Variants in KANSL1L observed in about 807,000 individuals in gnomAD.
KANSL1L encodes KAT8 regulatory NSL complex subunit 1-like protein.
Under a neutral mutation model 108.6 loss-of-function variants are expected in KANSL1L, and 25 were observed. The observed-to-expected ratio is 0.23, with a 90% CI of 0.17 to 0.32. The LOEUF is 0.32. Ranked by LOEUF, KANSL1L falls within the 10% of genes least tolerant of loss-of-function variation. KANSL1L has a pLI of 1.00. For missense variants in KANSL1L, 1,137 were observed against 1,125.7 expected, an observed-to-expected ratio of 1.01 and a Z score of -0.14; for synonymous variants, 405 against 395.1, an observed-to-expected ratio of 1.03 and a Z score of -0.30.
At chr2:210,046,634 A>G (rs2094226183) in intron 6 of KANSL1L, among the ~76,000 whole-genome samples, 1 of 152,088 alleles carries the variant, frequency 6.6e-6, no homozygotes, top group South Asian at 2.1e-4. Flanking sequence ...TTCCAGACCC[A>G]GTAGGCTATG....
intron 2 of KANSL1L, among the ~76,000 whole-genome samples, chr2:210,145,153 G>T (rs2095256644): frequency 6.6e-6 from 1 of 152,204 alleles, no homozygotes; most frequent in Non-Finnish European, 1.5e-5. Flanking sequence ...GTTATTGGGT[G>T]CTCCAGTCAC....
intron 5 of KANSL1L, chr2:210,096,491 T>C (rs1420430903): frequency 2.0e-6 from 2 of 984,916 alleles, no homozygotes; most frequent in Non-Finnish European, 2.4e-6. Context: ...GGCAAGTATA[T>C]TAAAATGAAA....
chr2:210,080,578 C>A, intron 5 of KANSL1L, among the ~76,000 whole-genome samples: 1 of 152,208 alleles, frequency 6.6e-6, no homozygotes, highest in Non-Finnish European at 1.5e-5. Context: ...TCTTGCTCCC[C>A]GCTTGAGCTA....
intron 10 of KANSL1L, 192 bp from the exon 11 acceptor site, chr2:210,029,161 A>G: frequency 1.9e-6 from 1 of 517,384 alleles, no homozygotes. Context: ...AAATCAGAAC[A>G]ATCTCTTGGT....
intron 6 of KANSL1L, among the ~76,000 whole-genome samples, chr2:210,053,495 G>A (rs992420792): frequency 2.6e-5 from 4 of 152,132 alleles, no homozygotes; most frequent in Admixed American, 2.0e-4. Flanking sequence ...TACTTGAGGG[G>A]CTGAGGCAGG....
intron 2 of KANSL1L, among the ~76,000 whole-genome samples, chr2:210,131,197 T>C (rs1157313252): frequency 6.6e-6 from 1 of 152,192 alleles, no homozygotes; most frequent in Non-Finnish European, 1.5e-5. Flanking sequence ...AGTACACCTC[T>C]GCTGTGTGAA....
At chr2:210,122,778 C>T (rs2095032910) in intron 3 of KANSL1L, among the ~76,000 whole-genome samples, 1 of 151,834 alleles carries the variant, frequency 6.6e-6, no homozygotes, top group Non-Finnish European at 1.5e-5. Flanking sequence ...AAAATATTTG[C>T]AAACTATCTG....
intron 6 of KANSL1L, chr2:210,063,991 CAT>C (rs2094444028): frequency 1.3e-5 from 2 of 152,106 alleles, no homozygotes; most frequent in African/African-American, 2.4e-5. Flanking sequence ...TGAATTCCCA[CAT>C]GTTGTGGGAG....
At chr2:210,156,626 T>C (rs895172222) in intron 1 of KANSL1L, among the ~76,000 whole-genome samples, 1 of 152,088 alleles carries the variant, frequency 6.6e-6, no homozygotes, top group Non-Finnish European at 1.5e-5. Context: ...TATATACGTA[T>C]ACATTTGTGT....
chr2:210,041,759 A>G (rs2094166278), intron 7 of KANSL1L, among the ~76,000 whole-genome samples: 1 of 152,230 alleles, frequency 6.6e-6, no homozygotes, highest in Non-Finnish European at 1.5e-5. Flanking sequence ...GATTTTAAAC[A>G]GAAAAAAATG....
intron 6 of KANSL1L, among the ~76,000 whole-genome samples, chr2:210,070,399 T>C (rs1370869501): frequency 6.6e-6 from 1 of 151,588 alleles, no homozygotes; most frequent in African/African-American, 2.4e-5. Flanking sequence ...CCAGCTAATT[T>C]TTTGTATTTT....
intron 3 of KANSL1L, 101 bp downstream of exon 3, chr2:210,128,930 T>C (rs1559583093): frequency 9.8e-7 from 1 of 1,021,464 alleles, no homozygotes; most frequent in East Asian, 2.7e-5. Context: ...ACTGGCTACA[T>C]TTTTATAAAA....
intron 1 of KANSL1L, 36 bp from the exon 2 acceptor site, chr2:210,154,647 G>A (rs999874305): frequency 7.6e-7 from 1 of 1,318,122 alleles, no homozygotes. Flanking sequence ...CAAATATCTA[G>A]AAAAAAATTT....
intron 1 of KANSL1L, among the ~76,000 whole-genome samples, chr2:210,160,597 A>G (rs1249081316): frequency 2.0e-5 from 3 of 152,236 alleles, no homozygotes; most frequent in Non-Finnish European, 4.4e-5. Flanking sequence ...GCTTTGGTAT[A>G]AATCTAAACA....
chr2:210,156,146 G>A (rs1434616738), intron 1 of KANSL1L, among the ~76,000 whole-genome samples: 2 of 152,098 alleles, frequency 1.3e-5, no homozygotes, highest in East Asian at 3.8e-4. Flanking sequence ...CACAGATGAT[G>A]ACATCCAAAT....
rs751176439 is a variant in KANSL1L at position 210,031,544 on chromosome 2, G to A, written c.2032C>T (p.His678Tyr). 3 of 1,502,470 alleles carry A rather than the reference G, an allele frequency of 2.0e-6. No individual in the cohort carries two copies. Among genetic ancestry groups the A allele is most frequent in the East Asian group, 2.3e-5 (1 of 43,366 alleles). The allele number at this position is 1,502,470 out of a possible 1,614,324, so 93.1% of individuals were successfully genotyped here. The change falls in exon 9 of 15, where the codon CAT (histidine) becomes TAT (tyrosine). Residue 678 changes from histidine (H) to tyrosine (Y), a missense_variant and splice_region_variant. His to Tyr is a moderately conservative substitution (Grantham distance 83). Around this residue, in one of 3 missense-constraint regions of KANSL1L, gnomAD observed 575 missense variants for 567.1 expected, o/e 1.01. Coordinates refer to ENST00000281772, the MANE Select transcript of KANSL1L (RefSeq NM_152519.4). ...DEYIISPSPV[H>Y]STLNQWRNGY... ...TTTCTCCATTGATTCAGAGTACTAT[G>A]TACTAAAACAAATGAAAAGGAAATA... is the stretch of plus-strand genomic sequence containing the variant.
chr2:210,169,269 T>C (rs891326517), intron 1 of KANSL1L, among the ~76,000 whole-genome samples: 1 of 152,124 alleles, frequency 6.6e-6, no homozygotes, highest in Non-Finnish European at 1.5e-5. Flanking sequence ...TAGTGAAATA[T>C]ACACTAGCAA....
intron 3 of KANSL1L, among the ~76,000 whole-genome samples, chr2:210,106,472 A>G (rs1203979813): frequency 5.3e-5 from 8 of 152,176 alleles, no homozygotes; most frequent in Admixed American, 1.3e-4. Context: ...TATATTTTTA[A>G]AATTCAACCA....
At chr2:210,047,921 G>A (rs980089059) in intron 6 of KANSL1L, among the ~76,000 whole-genome samples, 2 of 152,190 alleles carry the variant, frequency 1.3e-5, no homozygotes, top group Non-Finnish European at 2.9e-5. Flanking sequence ...TGCAGCCCTA[G>A]TATGATTCAT....
Sources: gnomAD v4.1 joint callset for allele counts (sites outside exome capture counted in the v4.1 genomes callset) on GRCh38, gnomAD v4.1.1 for gene constraint, gnomAD v4.1.1 regional missense constraint, MANE v1.5 for transcripts, NCBI Gene and HGNC (gene_info 2026-07-23, HGNC 2026-07-21) for gene names.